Variants in ZNF407 observed in about 807,000 individuals in gnomAD.
ZNF407 encodes the protein zinc finger protein 407.
In ZNF407, 17 loss-of-function variants were observed where a neutral mutation model predicts 131.2. That is an observed-to-expected ratio of 0.13 (90% CI 0.09 to 0.19). The LOEUF (loss-of-function observed/expected upper bound fraction) is 0.19, where lower values mean the gene tolerates loss of function less well. Among genes scored for constraint, ZNF407 ranks in the 10% least tolerant of loss-of-function variants. The pLI is 1.00. For synonymous variants in ZNF407, 1,156 were observed against 1,062.0 expected (o/e 1.09, Z -1.72); for missense variants, 2,681 against 2,830.6 (o/e 0.95, Z 1.20).
chr18:74,935,643 G>A (rs920878541), intron 8 of ZNF407, among the ~76,000 whole-genome samples: 1 of 152,188 alleles, frequency 6.6e-6, no homozygotes, highest in Admixed American at 6.5e-5. Context: ...TGATTAATCT[G>A]AATTGCATGA....
At chr18:75,001,250 A>G (rs1369279659) in intron 8 of ZNF407, among the ~76,000 whole-genome samples, 3 of 152,200 alleles carry the variant, frequency 2.0e-5, no homozygotes, top group Non-Finnish European at 2.9e-5. Flanking sequence ...GAGGGACATC[A>G]TGGGTTGGAA....
chr18:74,890,145 T>C, intron 7 of ZNF407, 107 bp downstream of exon 7: 1 of 1,261,642 alleles, frequency 7.9e-7, no homozygotes, highest in East Asian at 3.0e-5. Context: ...CATGAGTTCA[T>C]ATATTCGGTT....
At chr18:75,015,040 C>T (rs556914363) in intron 8 of ZNF407, among the ~76,000 whole-genome samples, 22 of 151,974 alleles carry the variant, frequency 1.4e-4, no homozygotes, top group African/African-American at 5.1e-4. Context: ...CTTTCCCCAC[C>T]GCCATATTCG....
intron 8 of ZNF407, among the ~76,000 whole-genome samples, chr18:74,948,226 G>C (rs980207602): frequency 1.3e-5 from 2 of 152,112 alleles, no homozygotes; most frequent in Non-Finnish European, 2.9e-5. Context: ...GTCTTTAATG[G>C]GAGCTTTTGC....
chr18:74,882,338 A>G (rs889620247), intron 6 of ZNF407, among the ~76,000 whole-genome samples: 51 of 152,324 alleles, frequency 3.3e-4, no homozygotes, highest in African/African-American at 1.0e-3. Flanking sequence ...TCAGATGATA[A>G]GTCACTTGAT....
At chr18:74,801,211 A>G (rs531820742) in intron 4 of ZNF407, among the ~76,000 whole-genome samples, 48 of 152,208 alleles carry the variant, frequency 3.2e-4, no homozygotes, top group South Asian at 6.2e-4. Flanking sequence ...CTTGAGTATG[A>G]TTAATGATTG....
chr18:74,662,346 G>T (rs578102119), intron 3 of ZNF407, among the ~76,000 whole-genome samples: 1 of 152,212 alleles, frequency 6.6e-6, no homozygotes, highest in African/African-American at 2.4e-5. Context: ...AAGTGATTTT[G>T]CATTTTAATC....
intron 3 of ZNF407, among the ~76,000 whole-genome samples, chr18:74,702,153 T>C (rs2040878482): frequency 6.6e-6 from 1 of 152,192 alleles, no homozygotes; most frequent in African/African-American, 2.4e-5. Flanking sequence ...GCAGTTTGTA[T>C]ATTATAATAT....
chr18:74,876,201 A>C (rs1391406458), intron 4 of ZNF407, among the ~76,000 whole-genome samples: 1 of 152,218 alleles, frequency 6.6e-6, no homozygotes, highest in East Asian at 1.9e-4. Context: ...TAAAATGCTA[A>C]AATTTATGAT....
At chr18:74,640,763 C>G (rs752204216) in intron 2 of ZNF407, among the ~76,000 whole-genome samples, 1 of 152,122 alleles carries the variant, frequency 6.6e-6, no homozygotes, top group African/African-American at 2.4e-5. Context: ...TCAGCAGTCT[C>G]ACTTTTGAGT....
chr18:74,785,785 T>C (rs1599151849), intron 4 of ZNF407, among the ~76,000 whole-genome samples: 2 of 115,270 alleles, frequency 1.7e-5, no homozygotes, highest in South Asian at 2.9e-4. Context: ...GGCACACACA[T>C]GTCACCCACA....
At chr18:74,665,125 T>G (rs1236847080) in intron 3 of ZNF407, among the ~76,000 whole-genome samples, 1 of 152,270 alleles carries the variant, frequency 6.6e-6, no homozygotes, top group East Asian at 1.9e-4. Flanking sequence ...ATTTTTTTCC[T>G]GCCTATTGTA....
In ZNF407 at chr18:74,773,474, G is replaced by A. The variant is rs12954179; in HGVS notation, c.4803-7954G>A. On this transcript the variant is annotated intron_variant, in intron 3 of 8. Coordinates refer to ENST00000299687, the MANE Select transcript of ZNF407 (RefSeq NM_017757.3). ...AAGTTATTAGAGAGCTTAAAGAAGA[G>A]ATTGACAATAGTATGAAAGAGGAAG... Among the ~76,000 whole-genome samples, 80 of 113,818 alleles carry A rather than the reference G, an allele frequency of 7.0e-4. 3 individuals are homozygous for A. Among genetic ancestry groups the A allele is most frequent in the African/African-American group, 2.8e-3 (52 of 18,350 alleles). 74.7% of individuals were successfully genotyped at this position (113,818 alleles called of 152,430 possible). A position where few individuals can be genotyped will look rare whatever the true frequency, so the allele number is the denominator to read the frequency against.
intron 3 of ZNF407, among the ~76,000 whole-genome samples, chr18:74,691,139 C>T (rs1012038536): frequency 4.6e-5 from 7 of 151,850 alleles, no homozygotes; most frequent in East Asian, 3.9e-4. Context: ...ATTAGCTGGG[C>T]GTGGTGGTGT....
intron 8 of ZNF407, among the ~76,000 whole-genome samples, chr18:75,014,907 A>G (rs977815279): frequency 6.6e-6 from 1 of 152,144 alleles, no homozygotes; most frequent in African/African-American, 2.4e-5. Flanking sequence ...GAAATTTCAT[A>G]GTAATTTAAG....
chr18:74,649,015 T>C (rs1985102812), intron 3 of ZNF407, among the ~76,000 whole-genome samples: 1 of 152,230 alleles, frequency 6.6e-6, no homozygotes, highest in Non-Finnish European at 1.5e-5. Context: ...TGTCTCCTCT[T>C]TCCCCTGCCT....
chr18:74,795,810 A>G (rs1055207596), intron 4 of ZNF407, among the ~76,000 whole-genome samples: 2 of 152,236 alleles, frequency 1.3e-5, no homozygotes, highest in African/African-American at 4.8e-5. Flanking sequence ...TTCGTAAATG[A>G]CGGGTACATG....
chr18:74,695,744 C>G (rs868068676), intron 3 of ZNF407, among the ~76,000 whole-genome samples: 24 of 152,156 alleles, frequency 1.6e-4, no homozygotes, highest in African/African-American at 5.8e-4. Context: ...TTTCCCCTTT[C>G]TTCCCCATGA....
chr18:74,937,805 A>G (rs1332692050), intron 8 of ZNF407, among the ~76,000 whole-genome samples: 1 of 152,224 alleles, frequency 6.6e-6, no homozygotes, highest in Non-Finnish European at 1.5e-5. Flanking sequence ...ATCAAAGACC[A>G]AATTCTGAAC....
Sources: allele counts gnomAD v4.1 joint callset (sites outside exome capture counted in the v4.1 genomes callset), GRCh38; gene constraint gnomAD v4.1.1; transcripts MANE v1.5; gene names NCBI Gene and HGNC (gene_info 2026-07-23, HGNC 2026-07-21).